Variants in KIAA1958 observed in about 807,000 individuals in gnomAD.
The protein encoded by KIAA1958 is uncharacterized protein KIAA1958.
In KIAA1958, 14 loss-of-function variants were observed where a neutral mutation model predicts 47.2. The ratio of observed to expected loss-of-function variants is 0.30; its 90% CI spans 0.20 to 0.46. The LOEUF is 0.46. Among genes scored for constraint, KIAA1958 ranks in the 20% least tolerant of loss-of-function variants. KIAA1958 has a pLI of 1.00. For missense variants in KIAA1958, 803 were observed against 909.2 expected (o/e 0.88, Z 1.50); for synonymous variants, 354 against 353.3 (o/e 1.00, Z -0.02).
At chr9:112,650,604 A>G (rs1837041548) in intron 3 of KIAA1958, among the ~76,000 whole-genome samples, 1 of 148,164 alleles carries the variant, frequency 6.7e-6, no homozygotes, top group South Asian at 2.1e-4. Flanking sequence ...GTGGAACTGT[A>G]AAAAAAAAAA....
At chr9:112,632,214 T>A (rs1474417748) in intron 2 of KIAA1958, among the ~76,000 whole-genome samples, 5 of 152,156 alleles carry the variant, frequency 3.3e-5, no homozygotes, top group Non-Finnish European at 7.4e-5. Context: ...CATATAAAAA[T>A]TGGAATTTTG....
intron 1 of KIAA1958, among the ~76,000 whole-genome samples, chr9:112,506,464 A>C (rs948167915): frequency 6.6e-6 from 1 of 152,196 alleles, no homozygotes; most frequent in African/African-American, 2.4e-5. Flanking sequence ...TCAAAACAAA[A>C]CAAAACAAAA....
chr9:112,641,875 T>C (rs948473096), intron 2 of KIAA1958, among the ~76,000 whole-genome samples: 3 of 152,362 alleles, frequency 2.0e-5, no homozygotes, highest in Admixed American at 2.0e-4. Flanking sequence ...CAGTAAAGAC[T>C]GTTCTTATTT....
At chr9:112,510,453 T>A (rs1174350461) in intron 1 of KIAA1958, among the ~76,000 whole-genome samples, 1 of 152,190 alleles carries the variant, frequency 6.6e-6, no homozygotes, top group African/African-American at 2.4e-5. Flanking sequence ...TGTTTAAAAT[T>A]TCTCTTTACA....
At chr9:112,541,078 T>C (rs1834932831) in intron 1 of KIAA1958, among the ~76,000 whole-genome samples, 1 of 152,112 alleles carries the variant, frequency 6.6e-6, no homozygotes, top group Non-Finnish European at 1.5e-5. Context: ...ATCCATTACT[T>C]TTTTTCTAGG....
chr9:112,562,211 G>A (rs747216288), intron 1 of KIAA1958, among the ~76,000 whole-genome samples: 20 of 152,214 alleles, frequency 1.3e-4, no homozygotes, highest in Admixed American at 2.6e-4. Context: ...TTTCAGGTGA[G>A]CAATTATGAA....
intron 2 of KIAA1958, among the ~76,000 whole-genome samples, chr9:112,620,237 T>C (rs1836479681): frequency 6.6e-6 from 1 of 152,176 alleles, no homozygotes; most frequent in African/African-American, 2.4e-5. Context: ...AGAGCCACAA[T>C]AAAGCTGAGC....
At chr9:112,546,317 A>T (rs1245307818) in intron 1 of KIAA1958, among the ~76,000 whole-genome samples, 1 of 152,164 alleles carries the variant, frequency 6.6e-6, no homozygotes, top group Non-Finnish European at 1.5e-5. Context: ...ATATGGTCTG[A>T]TGGGGGAGGA....
chr9:112,624,837 GTAT>G (rs1161804234), intron 2 of KIAA1958, among the ~76,000 whole-genome samples: 2 of 152,150 alleles, frequency 1.3e-5, no homozygotes, highest in Non-Finnish European at 1.5e-5. Flanking sequence ...TGTCTTTGTT[GTAT>G]TATTAGTCAT....
rs1837290097 is a variant in KIAA1958 at position 112,662,350 on chromosome 9, A to G, written c.*2281A>G. Reference sequence around the variant, plus strand: ...CAAGAGTGAGGAAGAAAACACAGTCATCAAGTGCCAGCGTGTGCCACCCAT... The same window carrying G: ...CAAGAGTGAGGAAGAAAACACAGTCGTCAAGTGCCAGCGTGTGCCACCCAT... On this transcript the variant is annotated 3_prime_UTR_variant, in exon 4 of 4. Transcript: ENST00000337530. The G allele has an allele frequency of 6.6e-6, 1 of 152,276 alleles. No individual in the cohort carries two copies. Among genetic ancestry groups the G allele is most frequent in the Admixed American group, 6.5e-5 (1 of 15,292 alleles). 9.4% of individuals were successfully genotyped at this position (152,276 alleles called of 1,614,324 possible). A position where few individuals can be genotyped will look rare whatever the true frequency, so the allele number is the denominator to read the frequency against.
intron 2 of KIAA1958, among the ~76,000 whole-genome samples, chr9:112,576,404 C>G (rs1835646763): frequency 6.6e-6 from 1 of 152,044 alleles, no homozygotes; most frequent in Admixed American, 6.6e-5. Flanking sequence ...GTGTACAGTT[C>G]AGTGGGTTTT....
At chr9:112,583,638 A>G (rs1335696272) in intron 2 of KIAA1958, among the ~76,000 whole-genome samples, 2 of 152,390 alleles carry the variant, frequency 1.3e-5, no homozygotes, top group Middle Eastern at 3.4e-3. Context: ...TAGATGAATC[A>G]GCCAGATGTA....
Position 112,562,907 on chromosome 9 carries a change from C to G in KIAA1958, c.-24-11150C>G, listed in dbSNP as rs185780767. On this transcript the variant is annotated intron_variant, in intron 1 of 3. Transcript: ENST00000337530. Reference sequence around the variant, plus strand: ...TCTCAAACTCCTGGGCTCAGGCGGTCCTCCCACCTTGGTCTTCCAAAGTGC... The same window carrying G: ...TCTCAAACTCCTGGGCTCAGGCGGTGCTCCCACCTTGGTCTTCCAAAGTGC... Among the ~76,000 whole-genome samples, 21 of 151,254 alleles carry G rather than the reference C, an allele frequency of 1.4e-4. No homozygotes were observed. The East Asian group carries it at 4.1e-3, about 29-fold the overall frequency.
intron 1 of KIAA1958, among the ~76,000 whole-genome samples, chr9:112,526,364 A>T (rs1834652016): frequency 6.6e-6 from 1 of 151,702 alleles, no homozygotes; most frequent in South Asian, 2.1e-4. Context: ...AGCAATTCCC[A>T]TGCCTCAGCC....
chr9:112,566,249 A>G (rs912080944), intron 1 of KIAA1958, among the ~76,000 whole-genome samples: 2 of 152,066 alleles, frequency 1.3e-5, no homozygotes, highest in African/African-American at 2.4e-5. Flanking sequence ...AATTAAATGT[A>G]TAATATTTAA....
intron 1 of KIAA1958, among the ~76,000 whole-genome samples, chr9:112,542,312 G>A (rs1025702598): frequency 1.3e-5 from 2 of 152,102 alleles, no homozygotes; most frequent in East Asian, 1.9e-4. Context: ...TTATGGAAAT[G>A]TTCATGAATA....
intron 1 of KIAA1958, among the ~76,000 whole-genome samples, chr9:112,515,397 A>T (rs1376589386): frequency 3.4e-5 from 5 of 149,252 alleles, no homozygotes; most frequent in Admixed American, 2.7e-4. Flanking sequence ...CCAACAGCTC[A>T]TTGAGAACGG....
At chr9:112,494,962 C>T (rs923662406) in intron 1 of KIAA1958, among the ~76,000 whole-genome samples, 3 of 151,844 alleles carry the variant, frequency 2.0e-5, no homozygotes, top group Non-Finnish European at 4.4e-5. Context: ...ATTTTTTCCC[C>T]TTTTTTCATT....
intron 3 of KIAA1958, among the ~76,000 whole-genome samples, chr9:112,653,045 A>T (rs1837089373): frequency 6.6e-6 from 1 of 152,254 alleles, no homozygotes; most frequent in Non-Finnish European, 1.5e-5. Flanking sequence ...AGGTAGACAT[A>T]AACTAGGTAA....
Sources: allele counts gnomAD v4.1 joint callset (sites outside exome capture counted in the v4.1 genomes callset), GRCh38; gene constraint gnomAD v4.1.1; transcripts MANE v1.5; gene names NCBI Gene and HGNC (gene_info 2026-07-23, HGNC 2026-07-21).